Variants in KMT5B observed in about 807,000 individuals in gnomAD.
KMT5B encodes the protein lysine methyltransferase 5B.
Under a neutral mutation model 83.2 loss-of-function variants are expected in KMT5B, and 10 were observed. That is an observed-to-expected ratio of 0.12 (90% CI 0.07 to 0.20). KMT5B has a LOEUF of 0.20. Ranked by LOEUF, KMT5B falls within the 10% of genes least tolerant of loss-of-function variation. The pLI, the probability that KMT5B is intolerant of heterozygous loss-of-function variation, is 1.00. For synonymous variants in KMT5B, 349 were observed against 388.8 expected, an observed-to-expected ratio of 0.90 and a Z score of 1.20; for missense variants, 753 against 1,067.2, an observed-to-expected ratio of 0.71 and a Z score of 4.10.
chr11:68,167,004 G>A lies in KMT5B; in HGVS notation c.1152C>T (p.Thr384=), dbSNP rs1855376928. ...TACTTGCATTGTTTTTTTCCTGAGT[G>A]GTATCTGCATCAGTGTTAGAGCTGA... is the stretch of plus-strand genomic sequence containing the variant. The part of the protein sequence containing the change: ...QSVSSNTDAD[T]TQEKNNATSN... Residue 384 remains threonine (T), a synonymous_variant, in exon 10 of 11, where the codon ACC becomes ACT. Transcript: ENST00000304363. 6.2e-7 allele frequency: 1 copy of A among 1,613,946 alleles called. No individual in the cohort carries two copies. Among genetic ancestry groups the A allele is most frequent in the African/African-American group, 1.3e-5 (1 of 74,990 alleles).
intron 3 of KMT5B, 87 bp from the exon 4 acceptor site, chr11:68,180,287 G>A (rs1856793923): frequency 8.1e-6 from 12 of 1,488,152 alleles, no homozygotes; most frequent in East Asian, 5.0e-5. Flanking sequence ...TACAATATTC[G>A]TTGTTGCAAA....
intron 1 of KMT5B, among the ~76,000 whole-genome samples, chr11:68,202,526 T>C (rs2153085075): frequency 6.7e-6 from 1 of 149,004 alleles, no homozygotes; most frequent in East Asian, 2.0e-4. Context: ...ACACCTGCCT[T>C]CCCTACTAGC....
intron 1 of KMT5B, among the ~76,000 whole-genome samples, chr11:68,193,342 C>T (rs1033610967): frequency 6.6e-6 from 1 of 152,138 alleles, no homozygotes; most frequent in Non-Finnish European, 1.5e-5. Flanking sequence ...TAAATTACTT[C>T]GAAGTATTCA....
intron 1 of KMT5B, among the ~76,000 whole-genome samples, chr11:68,209,801 C>G (rs2153092695): frequency 6.6e-6 from 1 of 152,048 alleles, no homozygotes; most frequent in Middle Eastern, 3.4e-3. Flanking sequence ...GCTTGAGCCA[C>G]GTGTACCACC....
Position 68,158,782 on chromosome 11 carries a change from C to G in KMT5B, c.1564G>C (p.Val522Leu). 6.2e-7 allele frequency: 1 copy of G among 1,614,180 alleles called. No individual in the cohort carries two copies. Among genetic ancestry groups the G allele is most frequent in the Non-Finnish European group, 8.5e-7 (1 of 1,180,040 alleles). ...HAAREHRQNPVRGAHSQGESS... is the reference protein window; with the variant it reads ...HAAREHRQNPLRGAHSQGESS... Reference sequence around the variant, plus strand: ...TCCCCCTGCGAATGAGCACCTCTCACAGGATTCTGTCTGTGTTCTCTCGCC... The same window carrying G: ...TCCCCCTGCGAATGAGCACCTCTCAGAGGATTCTGTCTGTGTTCTCTCGCC... The change falls in exon 11 of 11, where the codon GTG becomes CTG. Residue 522 changes from valine to leucine, a missense_variant. Val to Leu is a conservative substitution (Grantham distance 32). Around this residue, in one of 9 missense-constraint regions of KMT5B, gnomAD observed 397 missense variants for 395.9 expected, o/e 1.00. Transcript: ENST00000304363.
chr11:68,187,041 G>A (rs1305382944), intron 2 of KMT5B, among the ~76,000 whole-genome samples: 1 of 151,500 alleles, frequency 6.6e-6, no homozygotes, highest in African/African-American at 2.4e-5. Flanking sequence ...TTGCCACCCA[G>A]CCTGGAGTGC....
At chr11:68,166,820 C>T in intron 10 of KMT5B, 162 bp downstream of exon 10, 1 of 1,444,482 alleles carries the variant, frequency 6.9e-7, no homozygotes, top group Non-Finnish European at 9.1e-7. Flanking sequence ...ACAGACTGTG[C>T]CTCTACTCAA....
intron 1 of KMT5B, among the ~76,000 whole-genome samples, chr11:68,210,248 G>GC (rs1035880380): frequency 1.3e-5 from 2 of 150,914 alleles, no homozygotes; most frequent in African/African-American, 2.4e-5. Context: ...TCAAGCTTTG[G>GC]GGGGGGGGAC....
intron 1 of KMT5B, among the ~76,000 whole-genome samples, chr11:68,200,664 A>T (rs11228158): frequency 0.032 from 4,868 of 152,344 alleles, 100 homozygotes; most frequent in Non-Finnish European, 0.048. Context: ...AAGCCTTCAG[A>T]GCGCTTATAG....
chr11:68,156,061 G>A lies in KMT5B; in HGVS notation c.*1627C>T, dbSNP rs945869475. On this transcript the variant is annotated 3_prime_UTR_variant, in exon 11 of 11. Coordinates refer to ENST00000304363, the MANE Select transcript of KMT5B (RefSeq NM_017635.5). ...TCCCCCCAAACCTGGAAACTAGTAGGAATCAATTAGTAGTAACAGTAAGCA... is the reference window on the plus strand; with the variant it reads ...TCCCCCCAAACCTGGAAACTAGTAGAAATCAATTAGTAGTAACAGTAAGCA... The A allele has an allele frequency of 2.6e-5, 4 of 152,172 alleles. No homozygotes were observed. Among genetic ancestry groups the A allele is most frequent in the Non-Finnish European group, 5.9e-5 (4 of 68,040 alleles). The allele number at this position is 152,172 out of a possible 1,614,324, so 9.4% of individuals were successfully genotyped here. A position where few individuals can be genotyped will look rare whatever the true frequency, so the allele number is the denominator to read the frequency against.
At chr11:68,202,453 T>C (rs1316105270) in intron 1 of KMT5B, among the ~76,000 whole-genome samples, 3 of 152,172 alleles carry the variant, frequency 2.0e-5, no homozygotes, top group Non-Finnish European at 4.4e-5. Context: ...ATTTTAACCC[T>C]TAACGTTTCT....
chr11:68,162,993 C>T (rs932676107), intron 10 of KMT5B, among the ~76,000 whole-genome samples: 1 of 151,986 alleles, frequency 6.6e-6, no homozygotes, highest in African/African-American at 2.4e-5. Context: ...ACAGTGAAGG[C>T]TAAAGGAGGA....
At chr11:68,162,814 C>T (rs58835257) in intron 10 of KMT5B, among the ~76,000 whole-genome samples, 3,270 of 152,184 alleles carry the variant, frequency 0.021, 121 homozygotes, top group African/African-American at 0.074. Context: ...GTTTGAAAAG[C>T]ATTATCTCAT....
chr11:68,166,018 T>C (rs778991307), intron 10 of KMT5B: 90 of 1,611,554 alleles, frequency 5.6e-5, no homozygotes, highest in Admixed American at 1.7e-5. Flanking sequence ...CCTAAAATAA[T>C]CAGTATCTCA....
At chr11:68,183,562 T>C (rs1352625496) in intron 3 of KMT5B, among the ~76,000 whole-genome samples, 2 of 152,148 alleles carry the variant, frequency 1.3e-5, no homozygotes, top group East Asian at 1.9e-4. Context: ...TTTCAGCATG[T>C]TGGCCAGGCT....
In KMT5B at chr11:68,158,526, G is replaced by A. The variant is rs1859469137; in HGVS notation, c.1820C>T (p.Thr607Ile). ...KGEAKCHKSDTGMSKKKSRQG... is the reference protein window; with the variant it reads ...KGEAKCHKSDIGMSKKKSRQG... ...TCGTGACTTCTTTTTGGACATGCCTGTGTCACTCTTATGACACTTTGCCTC... is the reference window on the plus strand; with the variant it reads ...TCGTGACTTCTTTTTGGACATGCCTATGTCACTCTTATGACACTTTGCCTC... The change falls in exon 11 of 11, where the codon ACA becomes ATA. Residue 607 changes from threonine to isoleucine, a missense_variant. Physicochemically the swap from Thr to Ile is moderately conservative, Grantham distance 89 (BLOSUM62 -1). Coordinates refer to ENST00000304363, the MANE Select transcript of KMT5B (RefSeq NM_017635.5). 2 of 1,614,180 alleles carry A rather than the reference G, an allele frequency of 1.2e-6. No individual in the cohort carries two copies.
chr11:68,163,966 A>G (rs2153044636), intron 10 of KMT5B, among the ~76,000 whole-genome samples: 1 of 152,278 alleles, frequency 6.6e-6, no homozygotes, highest in South Asian at 2.1e-4. Flanking sequence ...GCACCTGCAG[A>G]GACCCGTGTC....
chr11:68,198,329 A>G (rs570014934), intron 1 of KMT5B, among the ~76,000 whole-genome samples: 1 of 152,318 alleles, frequency 6.6e-6, no homozygotes, highest in East Asian at 1.9e-4. Flanking sequence ...GGTTGCACTG[A>G]GCCAAGATTG....
intron 10 of KMT5B, among the ~76,000 whole-genome samples, chr11:68,165,401 G>A (rs756875322): frequency 1.8e-4 from 28 of 152,186 alleles, no homozygotes; most frequent in Non-Finnish European, 3.4e-4. Flanking sequence ...CTACTTGGGA[G>A]GCTGAGGCAG....
Sources: allele counts gnomAD v4.1 joint callset (sites outside exome capture counted in the v4.1 genomes callset), GRCh38; gene constraint gnomAD v4.1.1; regional missense constraint gnomAD v4.1.1; transcripts MANE v1.5; gene names NCBI Gene and HGNC (gene_info 2026-07-23, HGNC 2026-07-21).